EYA1: variants seen among roughly 807,000 people sequenced by gnomAD.
EYA1 encodes EYA transcriptional coactivator and phosphatase 1, also known as protein phosphatase EYA1.
A neutral mutation model predicts 82.0 loss-of-function variants in EYA1; 16 were observed. The ratio of observed to expected loss-of-function variants is 0.20; its 90% CI spans 0.13 to 0.30. EYA1 has a LOEUF of 0.30. Among genes scored for constraint, EYA1 ranks in the 10% least tolerant of loss-of-function variants. The pLI is 1.00. For synonymous variants in EYA1, 261 were observed against 264.4 expected (o/e 0.99, Z 0.12); for missense variants, 633 against 730.7 (o/e 0.87, Z 1.54).
intron 2 of EYA1, among the ~76,000 whole-genome samples, chr8:71,464,283 CT>C (rs2129193962): frequency 6.6e-6 from 1 of 152,298 alleles, no homozygotes; most frequent in South Asian, 2.1e-4. Flanking sequence ...AACTCACTGA[CT>C]TTTTAGCTAC....
At chr8:71,280,273 C>T (rs1817668139) in intron 9 of EYA1, among the ~76,000 whole-genome samples, 1 of 152,100 alleles carries the variant, frequency 6.6e-6, no homozygotes, top group African/African-American at 2.4e-5. Context: ...ATTCGAAGAC[C>T]CTACCATTGT....
chr8:71,461,120 G>A (rs1347444914), intron 2 of EYA1, among the ~76,000 whole-genome samples: 2 of 152,108 alleles, frequency 1.3e-5, no homozygotes, highest in Non-Finnish European at 2.9e-5. Flanking sequence ...ATGTAATTTT[G>A]TTGCAGGATC....
chr8:71,219,879 CT>C (rs940172964), intron 12 of EYA1, among the ~76,000 whole-genome samples: 9 of 152,238 alleles, frequency 5.9e-5, no homozygotes, highest in African/African-American at 2.2e-4. Context: ...ATCTATCTAG[CT>C]TTTTGTCTTC....
At chr8:71,284,812 C>G (rs186874103) in intron 9 of EYA1, among the ~76,000 whole-genome samples, 1 of 152,324 alleles carries the variant, frequency 6.6e-6, no homozygotes, top group East Asian at 1.9e-4. Context: ...CTTCCCTATC[C>G]TCTGTCCCTC....
intron 11 of EYA1, among the ~76,000 whole-genome samples, chr8:71,250,734 CT>C (rs1813654727): frequency 6.6e-6 from 1 of 152,060 alleles, no homozygotes; most frequent in Non-Finnish European, 1.5e-5. Context: ...GCTATGATTC[CT>C]TGTTTTTTCC....
At chr8:71,264,571 G>C (rs1586072580) in intron 11 of EYA1, among the ~76,000 whole-genome samples, 1 of 140,212 alleles carries the variant, frequency 7.1e-6, no homozygotes, top group East Asian at 2.0e-4. Flanking sequence ...ACATTCGTGA[G>C]CAATTCAATT....
intron 16 of EYA1, among the ~76,000 whole-genome samples, chr8:71,214,529 A>G (rs550929927): frequency 2.6e-4 from 40 of 152,192 alleles, no homozygotes; most frequent in Non-Finnish European, 5.3e-4. Flanking sequence ...GTGCACATTC[A>G]AGCACTTAGC....
chr8:71,248,498 A>G (rs1813371418), intron 11 of EYA1, among the ~76,000 whole-genome samples: 1 of 152,172 alleles, frequency 6.6e-6, no homozygotes, highest in Non-Finnish European at 1.5e-5. Flanking sequence ...CCCTGTCTCA[A>G]TCTACAGTTT....
chr8:71,330,184 C>A (rs1408903024), intron 4 of EYA1, among the ~76,000 whole-genome samples: 1 of 152,170 alleles, frequency 6.6e-6, no homozygotes, highest in African/African-American at 2.4e-5. Context: ...GAATGGGAGC[C>A]TTTGGAGGGT....
intron 1 of EYA1, among the ~76,000 whole-genome samples, chr8:71,545,849 T>C (rs1395117767): frequency 2.0e-5 from 3 of 152,186 alleles, no homozygotes; most frequent in South Asian, 4.1e-4. Context: ...TGTGAGCCAC[T>C]GTGCCCGGCC....
chr8:71,345,662 G>A (rs1825615914), intron 3 of EYA1, among the ~76,000 whole-genome samples: 1 of 152,044 alleles, frequency 6.6e-6, no homozygotes, highest in African/African-American at 2.4e-5. Flanking sequence ...CCACATCACT[G>A]TCTTTAAGGC....
intron 2 of EYA1, among the ~76,000 whole-genome samples, chr8:71,468,837 C>G (rs1808967157): frequency 1.3e-5 from 2 of 152,088 alleles, no homozygotes; most frequent in African/African-American, 4.8e-5. Context: ...AAATTTAGTA[C>G]TTATCAAATT....
chr8:71,398,909 G>C (rs1829789619), intron 2 of EYA1, among the ~76,000 whole-genome samples: 2 of 152,206 alleles, frequency 1.3e-5, no homozygotes, highest in South Asian at 4.1e-4. Flanking sequence ...GTCTACAGAG[G>C]TAGGCAGGCC....
At chr8:71,467,640 C>T (rs1808877572) in intron 2 of EYA1, among the ~76,000 whole-genome samples, 1 of 152,094 alleles carries the variant, frequency 6.6e-6, no homozygotes, top group Admixed American at 6.5e-5. Context: ...CTAAGGGCTT[C>T]TTCCCATTAG....
Position 71,251,561 on chromosome 8 carries a change from G to C in EYA1, c.1051-6869C>G, listed in dbSNP as rs1813749928. On this transcript the variant is annotated intron_variant, in intron 11 of 17. Transcript: ENST00000340726. ...CCTAGGCTACCCATGGCTGTTTTCA[G>C]TACATCAAAGGCAAATTATGTCTAC... Among the ~76,000 whole-genome samples, 4 of 152,178 alleles carry C rather than the reference G, an allele frequency of 2.6e-5. No homozygotes were observed. In the South Asian group the frequency reaches 8.3e-4, roughly 31 times the overall value.
At chr8:71,291,441 T>C (rs1213425719) in intron 9 of EYA1, among the ~76,000 whole-genome samples, 1 of 152,156 alleles carries the variant, frequency 6.6e-6, no homozygotes, top group Non-Finnish European at 1.5e-5. Flanking sequence ...TCCAACACCT[T>C]AACCAGTAAA....
chr8:71,401,249 A>T (rs1829941658), intron 2 of EYA1, among the ~76,000 whole-genome samples: 1 of 152,206 alleles, frequency 6.6e-6, no homozygotes, highest in Non-Finnish European at 1.5e-5. Flanking sequence ...TACCTGTGTA[A>T]CAAACCTGCA....
chr8:71,251,046 C>T (rs563988045), intron 11 of EYA1, among the ~76,000 whole-genome samples: 2 of 152,278 alleles, frequency 1.3e-5, no homozygotes, highest in Admixed American at 1.3e-4. Flanking sequence ...CTAGTAAATG[C>T]TATCTACCTG....
chr8:71,269,600 A>T, intron 11 of EYA1, 140 bp downstream of exon 11: 1 of 560,192 alleles, frequency 1.8e-6, no homozygotes, highest in Non-Finnish European at 3.1e-6. Flanking sequence ...TTTACCTTAC[A>T]TATATATATT....
Sources: gnomAD v4.1 joint callset for allele counts (sites outside exome capture counted in the v4.1 genomes callset) on GRCh38, gnomAD v4.1.1 for gene constraint, MANE v1.5 for transcripts, NCBI Gene and HGNC (gene_info 2026-07-23, HGNC 2026-07-21) for gene names.